Variants in SPAG16 observed in about 807,000 individuals in gnomAD.
SPAG16 encodes the protein sperm associated antigen 16, also known as sperm-associated antigen 16 protein.
SPAG16 carries 86 observed loss-of-function variants against 80.4 expected under a neutral mutation model. The ratio of observed to expected loss-of-function variants is 1.07; its 90% CI spans 0.90 to 1.28. The LOEUF (loss-of-function observed/expected upper bound fraction) is 1.28. SPAG16 is among the 50% of genes most tolerant of loss of function. SPAG16 has a pLI of 0.00. For missense variants in SPAG16, 870 were observed against 765.3 expected (o/e 1.14, Z -1.61); for synonymous variants, 294 against 265.9 (o/e 1.11, Z -1.03).
rs113583450 is a variant in SPAG16 at position 214,214,248 on chromosome 2, C to A, written c.1720+64982C>A. ...TGCAGTGGCACAATCTGGCTCACTG[C>A]AACCTCCACCTCCCAGGTTCAAGTG... is the stretch of plus-strand genomic sequence containing the variant. On this transcript the variant is annotated intron_variant, in intron 15 of 15. Transcript: ENST00000331683. Among the ~76,000 whole-genome samples the A allele has an allele frequency of 4.1e-3, 607 of 149,478 alleles. 1 individual carries two copies. Among genetic ancestry groups the A allele is most frequent in the African/African-American group, 0.014 (565 of 40,356 alleles).
intron 2 of SPAG16, 193 bp from the exon 3 acceptor site, chr2:213,297,069 G>A (rs901167043): frequency 3.0e-5 from 42 of 1,423,378 alleles, no homozygotes; most frequent in Admixed American, 2.0e-4. Context: ...TAGAAGTGAC[G>A]TTTATTGACA....
intron 9 of SPAG16, among the ~76,000 whole-genome samples, chr2:213,488,829 C>G (rs927379175): frequency 6.8e-6 from 1 of 148,094 alleles, no homozygotes; most frequent in South Asian, 2.2e-4. Context: ...GTAATCCCAC[C>G]ACTTTGGGAG....
rs561790392 is a variant in SPAG16, at chr2:213,320,698, A to G, written c.536+3342A>G. Among the ~76,000 whole-genome samples, 26 of 152,154 alleles carry G rather than the reference A, an allele frequency of 1.7e-4. 1 individual carries two copies. The highest frequency in any genetic ancestry group is 6.3e-4 in the African/African-American group (26 of 41,574). ...CTGTACCTGGCTTATTTCTCTTAACATAATCATCTCTAGTTTCATCTATGT... is the reference window on the plus strand; with the variant it reads ...CTGTACCTGGCTTATTTCTCTTAACGTAATCATCTCTAGTTTCATCTATGT... On this transcript the variant is annotated intron_variant, in intron 5 of 15. Coordinates refer to ENST00000331683, the MANE Select transcript of SPAG16 (RefSeq NM_024532.5).
At chr2:214,068,570 T>C (rs1473227887) in intron 13 of SPAG16, among the ~76,000 whole-genome samples, 2 of 152,088 alleles carry the variant, frequency 1.3e-5, no homozygotes. Flanking sequence ...TAAATAAAAA[T>C]GTAAAAGAAA....
At chr2:213,287,004 G>C (rs1353859551) in intron 1 of SPAG16, among the ~76,000 whole-genome samples, 1 of 152,134 alleles carries the variant, frequency 6.6e-6, no homozygotes, top group Non-Finnish European at 1.5e-5. Flanking sequence ...CTGTAACAGT[G>C]CCACCTATTT....
At chr2:213,370,288 A>G (rs2066560408) in intron 8 of SPAG16, among the ~76,000 whole-genome samples, 1 of 152,202 alleles carries the variant, frequency 6.6e-6, no homozygotes, top group South Asian at 2.1e-4. Flanking sequence ...AGAAGTAAAA[A>G]CATTTATATG....
chr2:213,361,597 T>A (rs1331508454), intron 7 of SPAG16, among the ~76,000 whole-genome samples: 2 of 150,590 alleles, frequency 1.3e-5, no homozygotes, highest in African/African-American at 4.9e-5. Context: ...AAATACTAGA[T>A]AGGCCTGGAG....
At chr2:214,404,174 A>T (rs1334900493) in intron 15 of SPAG16, among the ~76,000 whole-genome samples, 1 of 152,230 alleles carries the variant, frequency 6.6e-6, no homozygotes, top group Non-Finnish European at 1.5e-5. Context: ...GCAGATTTGT[A>T]TCAGAGTGTA....
At chr2:213,467,900 C>T (rs1211249998) in intron 9 of SPAG16, among the ~76,000 whole-genome samples, 3 of 152,218 alleles carry the variant, frequency 2.0e-5, no homozygotes, top group Middle Eastern at 3.2e-3. Flanking sequence ...AGGTGCATCT[C>T]AGGGATTCTG....
At chr2:213,996,839 A>G (rs2046541603) in intron 12 of SPAG16, among the ~76,000 whole-genome samples, 1 of 152,086 alleles carries the variant, frequency 6.6e-6, no homozygotes, top group African/African-American at 2.4e-5. Context: ...AAGTGCTGGG[A>G]TTACAGGTGT....
chr2:214,219,170 T>C (rs1170422703), intron 15 of SPAG16, among the ~76,000 whole-genome samples: 1 of 152,216 alleles, frequency 6.6e-6, no homozygotes, highest in African/African-American at 2.4e-5. Context: ...TTTGGGCATT[T>C]GGAAATATCA....
intron 10 of SPAG16, among the ~76,000 whole-genome samples, chr2:213,551,172 C>T (rs1202229596): frequency 2.6e-5 from 4 of 152,106 alleles, no homozygotes; most frequent in Non-Finnish European, 5.9e-5. Context: ...AAGCTTTGGT[C>T]GTTTGAGAGA....
At chr2:213,999,645 A>G (rs2124863773) in intron 12 of SPAG16, among the ~76,000 whole-genome samples, 1 of 152,300 alleles carries the variant, frequency 6.6e-6, no homozygotes, top group East Asian at 1.9e-4. Context: ...GGAAGCTTGC[A>G]CTGTTTGCCT....
chr2:213,767,907 C>T (rs1186103085), intron 10 of SPAG16, among the ~76,000 whole-genome samples: 2 of 152,114 alleles, frequency 1.3e-5, no homozygotes, highest in African/African-American at 4.8e-5. Flanking sequence ...AGTTTGTAGA[C>T]TAGCAGGCAT....
intron 5 of SPAG16, among the ~76,000 whole-genome samples, chr2:213,325,020 C>T (rs1405229039): frequency 1.3e-5 from 2 of 151,948 alleles, no homozygotes; most frequent in Non-Finnish European, 2.9e-5. Flanking sequence ...TGCTTTTTGA[C>T]CATTCTAAAA....
intron 12 of SPAG16, among the ~76,000 whole-genome samples, chr2:213,953,583 T>C (rs1048403758): frequency 6.6e-6 from 1 of 151,494 alleles, no homozygotes; most frequent in African/African-American, 2.4e-5. Context: ...TTTTAAAAAA[T>C]GAAATTGAGA....
chr2:213,442,351 C>T (rs2125535091), intron 9 of SPAG16, among the ~76,000 whole-genome samples: 1 of 152,302 alleles, frequency 6.6e-6, no homozygotes, highest in South Asian at 2.1e-4. Context: ...TTCTTTCCAA[C>T]TTGACCAGTA....
chr2:213,573,193 T>C (rs2059988136), intron 10 of SPAG16, among the ~76,000 whole-genome samples: 1 of 151,896 alleles, frequency 6.6e-6, no homozygotes, highest in African/African-American at 2.4e-5. Context: ...GAAATCACCG[T>C]CTTCTGCGTC....
Position 213,628,475 on chromosome 2 carries a change from C to G in SPAG16, c.1070+138385C>G, listed in dbSNP as rs535620951. On this transcript the variant is annotated intron_variant, in intron 10 of 15. Coordinates refer to ENST00000331683, the MANE Select transcript of SPAG16 (RefSeq NM_024532.5). ...TTATGAAGAGTCTTATTCAAAGCACCGTACAGTTTCAACCAAAGAACAGGT... is the reference window on the plus strand; with the variant it reads ...TTATGAAGAGTCTTATTCAAAGCACGGTACAGTTTCAACCAAAGAACAGGT... 2.6e-5 allele frequency among the ~76,000 whole-genome samples: 4 copies of G among 152,216 alleles called. No homozygotes were observed. The South Asian group carries it at 8.3e-4, about 32-fold the overall frequency.
Sources: gnomAD v4.1 joint callset for allele counts (sites outside exome capture counted in the v4.1 genomes callset) on GRCh38, gnomAD v4.1.1 for gene constraint, MANE v1.5 for transcripts, NCBI Gene and HGNC (gene_info 2026-07-23, HGNC 2026-07-21) for gene names.